Variants in GABRG3 observed in about 807,000 individuals in gnomAD.
GABRG3 encodes the protein gamma-aminobutyric acid receptor subunit gamma-3.
Under a neutral mutation model 48.8 loss-of-function variants are expected in GABRG3, and 25 were observed. That is an observed-to-expected ratio of 0.51 (90% CI 0.37 to 0.72). GABRG3 has a LOEUF of 0.72. Among genes scored for constraint, GABRG3 ranks in the 30% least tolerant of loss-of-function variants. GABRG3 has a pLI of 0.00. For missense variants in GABRG3, 394 were observed against 577.9 expected (o/e 0.68, Z 3.26); for synonymous variants, 227 against 217.6 (o/e 1.04, Z -0.38).
intron 3 of GABRG3, among the ~76,000 whole-genome samples, chr15:27,288,842 T>C (rs551422278): frequency 6.6e-6 from 1 of 152,342 alleles, no homozygotes; most frequent in East Asian, 1.9e-4. Context: ...CTGAAGAACC[T>C]TCATCATTTC....
chr15:27,350,418 C>T (rs528247405), intron 5 of GABRG3: 1 of 321,638 alleles, frequency 3.1e-6, no homozygotes, highest in Non-Finnish European at 6.2e-6. Context: ...CCAATTGTTT[C>T]TTTGTTTTTT....
rs78151539 is a variant in GABRG3, at chr15:27,541,878, C to T, written c.*8997C>T. On this transcript the variant is annotated 3_prime_UTR_variant, in exon 10 of 10. Coordinates refer to ENST00000615808, the MANE Select transcript of GABRG3 (RefSeq NM_033223.5). ...CGCGCCCCGCTTCGTGCGTCCCGTCCCCGCCGTGCCCTCAGCTGGGCCTCG... is the reference window on the plus strand; with the variant it reads ...CGCGCCCCGCTTCGTGCGTCCCGTCTCCGCCGTGCCCTCAGCTGGGCCTCG... The T allele has an allele frequency of 6.6e-6, 1 of 152,286 alleles. No individual in the cohort carries two copies. Among genetic ancestry groups the T allele is most frequent in the Non-Finnish European group, 1.5e-5 (1 of 68,074 alleles). The allele number at this position is 152,286 out of a possible 1,614,324, so 9.4% of individuals were successfully genotyped here. A position where few individuals can be genotyped will look rare whatever the true frequency, so the allele number is the denominator to read the frequency against.
intron 5 of GABRG3, among the ~76,000 whole-genome samples, chr15:27,387,711 C>T (rs1661953736): frequency 6.6e-6 from 1 of 150,414 alleles, no homozygotes. Context: ...CCTCTGTCCC[C>T]CAGTCTCCAC....
chr15:27,162,883 A>G (rs1887242583), intron 3 of GABRG3, among the ~76,000 whole-genome samples: 1 of 152,010 alleles, frequency 6.6e-6, no homozygotes, highest in Non-Finnish European at 1.5e-5. Flanking sequence ...CCTCTTACTT[A>G]TTTGATCTTA....
At chr15:27,410,131 T>A (rs560373598) in intron 5 of GABRG3, among the ~76,000 whole-genome samples, 3 of 152,202 alleles carry the variant, frequency 2.0e-5, no homozygotes, top group Admixed American at 6.5e-5. Flanking sequence ...TAAGTAGATA[T>A]TAAATTTGTC....
At chr15:27,251,789 G>T (rs1046159012) in intron 3 of GABRG3, among the ~76,000 whole-genome samples, 1 of 152,136 alleles carries the variant, frequency 6.6e-6, no homozygotes, top group Non-Finnish European at 1.5e-5. Flanking sequence ...CTGAGGGCAC[G>T]CAGGGTTCAG....
intron 3 of GABRG3, among the ~76,000 whole-genome samples, chr15:27,257,312 T>G (rs759078817): frequency 2.0e-5 from 3 of 152,178 alleles, no homozygotes; most frequent in African/African-American, 4.8e-5. Context: ...CCTTATCGAA[T>G]GTACAATTTG....
chr15:27,406,864 T>C (rs188679171), intron 5 of GABRG3, among the ~76,000 whole-genome samples: 2 of 152,328 alleles, frequency 1.3e-5, no homozygotes, highest in South Asian at 2.1e-4. Context: ...GGGAACTCCG[T>C]ACCATGTTTG....
At chr15:27,316,236 A>T (rs1217593787) in intron 3 of GABRG3, among the ~76,000 whole-genome samples, 1 of 151,954 alleles carries the variant, frequency 6.6e-6, no homozygotes, top group Non-Finnish European at 1.5e-5. Context: ...AAATACAAAA[A>T]AATTAGCCGG....
chr15:27,220,821 T>A (rs956899373), intron 3 of GABRG3, among the ~76,000 whole-genome samples: 2 of 152,100 alleles, frequency 1.3e-5, no homozygotes, highest in African/African-American at 4.8e-5. Context: ...TTCCTTTATT[T>A]CCATGCCGAG....
At chr15:27,088,514 G>T (rs1897126915) in intron 3 of GABRG3, among the ~76,000 whole-genome samples, 2 of 152,150 alleles carry the variant, frequency 1.3e-5, no homozygotes, top group African/African-American at 4.8e-5. Flanking sequence ...TCACACTGCT[G>T]TGAAGAACTA....
intron 3 of GABRG3, among the ~76,000 whole-genome samples, chr15:27,217,690 C>T (rs554089583): frequency 7.2e-5 from 11 of 152,316 alleles, no homozygotes; most frequent in African/African-American, 1.7e-4. Flanking sequence ...ACTCTCACTA[C>T]GATTTGAGTC....
At chr15:27,300,490 C>G (rs1892160043) in intron 3 of GABRG3, among the ~76,000 whole-genome samples, 1 of 102,708 alleles carries the variant, frequency 9.7e-6, no homozygotes, top group African/African-American at 3.5e-5. Flanking sequence ...ATGGTGAAAC[C>G]CCATCTCTAC....
At chr15:27,183,221 G>A (rs985702890) in intron 3 of GABRG3, among the ~76,000 whole-genome samples, 1 of 151,848 alleles carries the variant, frequency 6.6e-6, no homozygotes, top group South Asian at 2.1e-4. Context: ...TGATCATGTT[G>A]TTGTGTATCT....
intron 6 of GABRG3, among the ~76,000 whole-genome samples, chr15:27,493,114 T>TA (rs1284672444): frequency 6.6e-6 from 1 of 152,186 alleles, no homozygotes; most frequent in Non-Finnish European, 1.5e-5. Context: ...AATTTTGCTT[T>TA]AAAAAATCTT....
rs553332227 is a variant in GABRG3, at chr15:27,457,848, A to G, written c.575-22802A>G. The stretch of plus-strand genomic sequence containing the variant: ...TGTGCAGTGACTCCCACTCAGGGAA[A>G]CCATCAGCTTTCAATTGGAGTGTTC... On this transcript the variant is annotated intron_variant, in intron 5 of 9. Transcript: ENST00000615808. The surrounding 1 kb of genome is among the most constrained non-coding windows in gnomAD (Gnocchi z 4.4). 7.6e-4 allele frequency among the ~76,000 whole-genome samples: 115 copies of G among 152,194 alleles called. 1 individual carries two copies. The highest frequency in any genetic ancestry group is 1.5e-3 in the Non-Finnish European group (100 of 68,038).
At chr15:27,226,531 C>A (rs996176958) in intron 3 of GABRG3, among the ~76,000 whole-genome samples, 23 of 152,196 alleles carry the variant, frequency 1.5e-4, no homozygotes, top group Non-Finnish European at 3.1e-4. Context: ...GAGAGGAGAA[C>A]CCTGCACAGC....
intron 3 of GABRG3, among the ~76,000 whole-genome samples, chr15:27,062,260 T>C (rs1896659868): frequency 6.6e-6 from 1 of 151,418 alleles, no homozygotes; most frequent in African/African-American, 2.4e-5. Flanking sequence ...TATGTGCAGG[T>C]GGGCATGTGG....
rs548843171 is a variant in GABRG3 at position 27,303,976 on chromosome 15, A to C, written c.271-22833A>C. 4.5e-4 allele frequency among the ~76,000 whole-genome samples: 68 copies of C among 152,020 alleles called. 1 individual carries two copies. In the Middle Eastern group the frequency reaches 0.01, roughly 23 times the overall value. On this transcript the variant is annotated intron_variant, in intron 3 of 9. Transcript: ENST00000615808. ...TGTAATTGACCATATTAATAACCTA[A>C]AGAAGGAAAGCTGCGCGGTCATAGA...
Sources: gnomAD v4.1 joint callset for allele counts (sites outside exome capture counted in the v4.1 genomes callset) on GRCh38, gnomAD v4.1.1 for gene constraint, Gnocchi (gnomAD v3.1) non-coding constraint, MANE v1.5 for transcripts, NCBI Gene and HGNC (gene_info 2026-07-23, HGNC 2026-07-21) for gene names.